The following MIER3 variants were observed in gnomAD, a reference collection of about 807,000 sequenced individuals.
MIER3 encodes MIER family member 3.
Under a neutral mutation model 63.2 loss-of-function variants are expected in MIER3, and 9 were observed. The observed-to-expected ratio is 0.14, with a 90% CI of 0.09 to 0.25. The LOEUF (loss-of-function observed/expected upper bound fraction) is 0.25. MIER3 is among the 10% of genes least tolerant of loss of function. MIER3 has a pLI of 1.00. For missense variants in MIER3, 512 were observed against 666.2 expected (o/e 0.77, Z 2.55); for synonymous variants, 205 against 224.9 (o/e 0.91, Z 0.79).
At chr5:56,937,935 T>C (rs1750508355) in intron 4 of MIER3, among the ~76,000 whole-genome samples, 1 of 151,678 alleles carries the variant, frequency 6.6e-6, no homozygotes, top group Admixed American at 6.6e-5. Flanking sequence ...ATTGCCTAAT[T>C]TGTGGGTATG....
chr5:56,944,086 T>C (rs1750743816), intron 3 of MIER3, among the ~76,000 whole-genome samples: 1 of 152,150 alleles, frequency 6.6e-6, no homozygotes, highest in East Asian at 1.9e-4. Context: ...GATCCTATGA[T>C]GCACTCCCTC....
Position 56,923,840 on chromosome 5 carries a change from AAC to A in MIER3, c.1053-9_1053-8del, listed in dbSNP as rs1749813466. On this transcript the variant is annotated splice_region_variant and splice_polypyrimidine_tract_variant and intron_variant, in intron 11 of 12. Transcript: ENST00000381199. ...TAAACGATCCATATAGTCCCTGAAA[AAC>A]ACACCCCAGTAATTTTATGACTATA... 3 of 1,614,114 alleles carry A rather than the reference AAC, an allele frequency of 1.9e-6. No homozygotes were observed. In the East Asian group the frequency reaches 6.7e-5, roughly 36 times the overall value.
rs1389661860 is a variant in MIER3, at chr5:56,935,414, A to G, written c.595+14T>C. ...TATCTACCAAACATTATCAAAATCA[A>G]AAGCTTTCCTTACCTTTCTCATTAC... On this transcript the variant is annotated intron_variant, in intron 7 of 12. Coordinates refer to ENST00000381199, the MANE Select transcript of MIER3 (RefSeq NM_001297599.2). 3 of 1,564,848 alleles carry G rather than the reference A, an allele frequency of 1.9e-6. No individual in the cohort carries two copies. Among genetic ancestry groups the G allele is most frequent in the Middle Eastern group, 1.7e-4 (1 of 5,854 alleles).
intron 10 of MIER3, among the ~76,000 whole-genome samples, chr5:56,927,669 T>A (rs1750058995): frequency 6.6e-6 from 1 of 152,118 alleles, no homozygotes; most frequent in South Asian, 2.1e-4. Flanking sequence ...CATCCTACAT[T>A]GGAGTAGTGT....
chr5:56,930,637 C>T (rs377659883), intron 9 of MIER3, 27 bp downstream of exon 9: 356 of 1,591,602 alleles, frequency 2.2e-4, no homozygotes, highest in Non-Finnish European at 2.6e-4. Context: ...CTGTCATGTC[C>T]CTCTCTTAAA....
At chr5:56,928,428 T>C (rs143984113) in intron 10 of MIER3, 1 of 166,436 alleles carries the variant, frequency 6.0e-6, no homozygotes, top group African/African-American at 2.4e-5. Flanking sequence ...CAACAGCTAC[T>C]CTCACTGCTG....
chr5:56,932,215 G>A (rs1306780275), intron 8 of MIER3, among the ~76,000 whole-genome samples: 1 of 152,060 alleles, frequency 6.6e-6, no homozygotes. Context: ...AGCTGACATT[G>A]CGCCACTGCA....
intron 8 of MIER3, among the ~76,000 whole-genome samples, chr5:56,931,852 G>C (rs967729979): frequency 1.3e-5 from 2 of 152,020 alleles, no homozygotes; most frequent in African/African-American, 2.4e-5. Context: ...GCAATTATGA[G>C]GTGTCAAAAA....
Position 56,933,413 on chromosome 5 carries a change from C to T in MIER3, c.596-15G>A, listed in dbSNP as rs1183099315. Reference sequence around the variant, plus strand: ...GTTTTCATATACTGATAAAGAAAATCCCATTAACACATTAAAAATCATGAA... The same window carrying T: ...GTTTTCATATACTGATAAAGAAAATTCCATTAACACATTAAAAATCATGAA... On this transcript the variant is annotated splice_polypyrimidine_tract_variant and intron_variant, in intron 7 of 12. Coordinates refer to ENST00000381199, the MANE Select transcript of MIER3 (RefSeq NM_001297599.2). The T allele has an allele frequency of 6.3e-7, 1 of 1,577,296 alleles. No individual in the cohort carries two copies. Among genetic ancestry groups the T allele is most frequent in the Non-Finnish European group, 8.6e-7 (1 of 1,165,042 alleles).
chr5:56,950,749 C>T, intron 1 of MIER3, 97 bp from the exon 2 acceptor site: 6 of 1,406,580 alleles, frequency 4.3e-6, no homozygotes, highest in Non-Finnish European at 5.9e-6. Context: ...TCGAGCGCTC[C>T]TCCGCAGCTG....
intron 2 of MIER3, 178 bp from the exon 3 acceptor site, chr5:56,947,249 A>C: frequency 1.8e-6 from 1 of 570,946 alleles, no homozygotes; most frequent in Non-Finnish European, 2.8e-6. Flanking sequence ...AAATATGTCT[A>C]AATCAGCAAA....
chr5:56,944,457 G>A (rs1034539592), intron 3 of MIER3, among the ~76,000 whole-genome samples: 10 of 152,030 alleles, frequency 6.6e-5, no homozygotes, highest in Admixed American at 2.0e-4. Flanking sequence ...CTCCAGCCTG[G>A]GCGACAGAGC....
intron 3 of MIER3, among the ~76,000 whole-genome samples, chr5:56,941,748 G>A (rs1390599151): frequency 6.6e-6 from 1 of 152,108 alleles, no homozygotes; most frequent in Non-Finnish European, 1.5e-5. Flanking sequence ...TTAAAATACT[G>A]AACACCTGCA....
At chr5:56,950,740 C>A in intron 1 of MIER3, 88 bp from the exon 2 acceptor site, 1 of 1,480,816 alleles carries the variant, frequency 6.8e-7, no homozygotes, top group South Asian at 1.2e-5. Context: ...GAGGCGGAGT[C>A]GAGCGCTCCT....
chr5:56,933,154 T>C, intron 8 of MIER3, 93 bp downstream of exon 8: 10 of 1,301,708 alleles, frequency 7.7e-6, no homozygotes, highest in Non-Finnish European at 1.0e-5. Context: ...AGAAAAGATA[T>C]CTACCTCACA....
intron 2 of MIER3, among the ~76,000 whole-genome samples, chr5:56,947,374 T>A (rs1023268903): frequency 1.3e-5 from 2 of 152,108 alleles, no homozygotes; most frequent in African/African-American, 4.8e-5. Context: ...AACATTCTAA[T>A]AGAAAAAGTC....
At chr5:56,934,530 T>G (rs1443725648) in intron 7 of MIER3, among the ~76,000 whole-genome samples, 1 of 152,122 alleles carries the variant, frequency 6.6e-6, no homozygotes, top group African/African-American at 2.4e-5. Context: ...AGTGTGGCAT[T>G]TGGGTGGTGA....
intron 3 of MIER3, among the ~76,000 whole-genome samples, chr5:56,944,444 GCAC>G (rs946400523): frequency 1.3e-5 from 2 of 151,710 alleles, no homozygotes; most frequent in African/African-American, 4.8e-5. Context: ...TTGCGCCACT[GCAC>G]TCCAGCCTGG....
Position 56,950,789 on chromosome 5 carries a change from A to G in MIER3, c.10-137T>C. ...AAGTGCAAGACGTAGCTTCACTCGA[A>G]TCGCTCCCGGCCCCTTTCGGGCCCC... On this transcript the variant is annotated intron_variant, in intron 1 of 12. Transcript: ENST00000381199. 4.3e-6 allele frequency: 4 copies of G among 926,236 alleles called. No individual in the cohort carries two copies. In the South Asian group the frequency reaches 6.0e-5, roughly 14 times the overall value. The allele number at this position is 926,236 out of a possible 1,614,324, so 57.4% of individuals were successfully genotyped here. A position where few individuals can be genotyped will look rare whatever the true frequency, so the allele number is the denominator to read the frequency against.
Sources: gnomAD v4.1 joint callset for allele counts (sites outside exome capture counted in the v4.1 genomes callset) on GRCh38, gnomAD v4.1.1 for gene constraint, MANE v1.5 for transcripts, NCBI Gene and HGNC (gene_info 2026-07-23, HGNC 2026-07-21) for gene names.